LMOD3: variants seen among roughly 807,000 people sequenced by gnomAD.
LMOD3 encodes leiomodin 3.
LMOD3 carries 31 observed loss-of-function variants against 41.8 expected under a neutral mutation model. That is an observed-to-expected ratio of 0.74 (90% CI 0.56 to 1.00). LMOD3 has a LOEUF of 1.00. Among genes scored for constraint, LMOD3 ranks in the 50% least tolerant of loss-of-function variants. The pLI is 0.00. For synonymous variants in LMOD3, 292 were observed against 241.9 expected (o/e 1.21, Z -1.92); for missense variants, 755 against 679.5 (o/e 1.11, Z -1.23).
chr3:69,108,849 A>T lies in LMOD3; in HGVS notation c.*246T>A. On this transcript the variant is annotated 3_prime_UTR_variant, in exon 3 of 3. Transcript: ENST00000420581. The stretch of plus-strand genomic sequence containing the variant: ...ACTCTAAATTTCACCTGAGTCACTC[A>T]AATTGATTGCAAGTAGAAAATATTG... 2.6e-6 allele frequency: 1 copy of T among 384,878 alleles called. No individual in the cohort carries two copies. Among genetic ancestry groups the T allele is most frequent in the Non-Finnish European group, 4.6e-6 (1 of 217,418 alleles). The allele number at this position is 384,878 out of a possible 1,614,324, so 23.8% of individuals were successfully genotyped here. A position where few individuals can be genotyped will look rare whatever the true frequency, so the allele number is the denominator to read the frequency against.
intron 1 of LMOD3, among the ~76,000 whole-genome samples, chr3:69,121,505 G>T (rs1334388064): frequency 6.6e-6 from 1 of 152,188 alleles, no homozygotes; most frequent in Non-Finnish European, 1.5e-5. Context: ...TCAGGTTTTA[G>T]AAAGTGAAGA....
At chr3:69,111,783 T>TA (rs913778743) in intron 2 of LMOD3, among the ~76,000 whole-genome samples, 9 of 152,154 alleles carry the variant, frequency 5.9e-5, no homozygotes, top group South Asian at 2.1e-4. Context: ...TGACCCAGAA[T>TA]AGTAAACCCA....
chr3:69,118,132 G>T (rs1219937405), intron 2 of LMOD3, among the ~76,000 whole-genome samples: 1 of 152,038 alleles, frequency 6.6e-6, no homozygotes, highest in Non-Finnish European at 1.5e-5. Flanking sequence ...GCCCGGCCTG[G>T]CCTCATTCTT....
Position 69,109,106 on chromosome 3 carries a change from C to G in LMOD3, c.1672G>C (p.Glu558Gln). 1.2e-6 allele frequency: 2 copies of G among 1,602,494 alleles called. No homozygotes were observed. The highest frequency in any genetic ancestry group is 1.7e-6 in the Non-Finnish European group (2 of 1,174,244). The change falls in exon 3 of 3, where the codon GAA becomes CAA. Residue 558 changes from glutamate to glutamine, a missense_variant. By Grantham distance (29) the Glu-to-Gln change is conservative. Coordinates refer to ENST00000420581, the MANE Select transcript of LMOD3 (RefSeq NM_198271.5). ...AYLKPVQLPK[E>Q]LA ...GGCTCTGTTGCCTCTTACGCCAGTT[C>G]TTTTGGCAGTTGCACCTGCGATTTA...
At chr3:69,121,087 A>C (rs73112232) in intron 1 of LMOD3, among the ~76,000 whole-genome samples, 3,236 of 152,266 alleles carry the variant, frequency 0.021, 43 homozygotes, top group Middle Eastern at 0.044. Context: ...GCCAACCATC[A>C]AGCTGTTCAA....
At position 69,107,244 on chromosome 3, in the gene LMOD3, C is replaced by T. The variant is rs1416116949; in HGVS notation, c.*1851G>A. On this transcript the variant is annotated 3_prime_UTR_variant, in exon 3 of 3. Transcript: ENST00000420581. ...TTAAATTTGGATACTTTTGTACATA[C>T]TAAATTATCTTAAAAAAATAGAAAC... 1 of 151,812 alleles carries T rather than the reference C, an allele frequency of 6.6e-6. No individual in the cohort carries two copies. Among genetic ancestry groups the T allele is most frequent in the Non-Finnish European group, 1.5e-5 (1 of 67,980 alleles). 9.4% of individuals were successfully genotyped at this position (151,812 alleles called of 1,614,324 possible).
Position 69,119,497 on chromosome 3 carries a change from T to A in LMOD3, c.858A>T (p.Thr286=), listed in dbSNP as rs1312341772. 8.1e-6 allele frequency: 13 copies of A among 1,613,986 alleles called. 1 individual carries two copies. In the South Asian group the frequency reaches 1.3e-4, roughly 16 times the overall value. ...NAMKKNKHIK[T]FSLANVGADE... ...CTGCACCCACATTGGCTAAACTGAA[T>A]GTTTTGATGTGCTTGTTTTTCTTCA... is the stretch of plus-strand genomic sequence containing the variant. The change falls in exon 2 of 3, where the codon ACA becomes ACT. Residue 286 remains threonine (T), a synonymous_variant. Transcript: ENST00000420581.
chr3:69,120,929 T>C (rs1476433500), intron 1 of LMOD3, among the ~76,000 whole-genome samples: 1 of 152,300 alleles, frequency 6.6e-6, no homozygotes, highest in East Asian at 1.9e-4. Context: ...ATAGATATCA[T>C]TTTGAAAGCC....
chr3:69,117,563 A>C (rs375549146), intron 2 of LMOD3, among the ~76,000 whole-genome samples: 1 of 152,188 alleles, frequency 6.6e-6, no homozygotes, highest in East Asian at 1.9e-4. Flanking sequence ...AATGACCAAA[A>C]TATCTTCATT....
At chr3:69,115,250 A>G (rs980077724) in intron 2 of LMOD3, among the ~76,000 whole-genome samples, 10 of 152,204 alleles carry the variant, frequency 6.6e-5, no homozygotes, top group Middle Eastern at 6.8e-3. Flanking sequence ...GGGAGGCTGA[A>G]GCGGAAGGAT....
chr3:69,120,808 CAT>C (rs2092403899), intron 1 of LMOD3, among the ~76,000 whole-genome samples: 1 of 152,014 alleles, frequency 6.6e-6, no homozygotes, highest in African/African-American at 2.4e-5. Flanking sequence ...ATTATGCAGA[CAT>C]TGAGAAATAA....
rs2092396739 is a variant in LMOD3, at chr3:69,119,608, C to T, written c.747G>A (p.Arg249=). 6.2e-7 allele frequency: 1 copy of T among 1,613,728 alleles called. No homozygotes were observed. Among genetic ancestry groups the T allele is most frequent in the South Asian group, 1.1e-5 (1 of 91,080 alleles). Residue 249 remains arginine, a synonymous_variant, in exon 2 of 3, where the codon AGG becomes AGA. Coordinates refer to ENST00000420581, the MANE Select transcript of LMOD3 (RefSeq NM_198271.5). Reference sequence around the variant, plus strand: ...GTTCCTTCATGTCAGGATCATTTTTCCTAACTCTCCTCAAGCTCCCATCCA... The same window carrying T: ...GTTCCTTCATGTCAGGATCATTTTTTCTAACTCTCCTCAAGCTCCCATCCA... ...TDLDGSLRRV[R]KNDPDMKELN...
intron 2 of LMOD3, among the ~76,000 whole-genome samples, chr3:69,112,113 TACAAAC>T (rs1339541181): frequency 1.3e-5 from 2 of 152,204 alleles, no homozygotes; most frequent in Non-Finnish European, 2.9e-5. Flanking sequence ...ATGTAAAACT[TACAAAC>T]AGAAGAAAAT....
At chr3:69,113,114 A>G (rs2092356940) in intron 2 of LMOD3, among the ~76,000 whole-genome samples, 1 of 152,126 alleles carries the variant, frequency 6.6e-6, no homozygotes, top group South Asian at 2.1e-4. Context: ...TGGAGGTCCT[A>G]AAAATGGGGG....
At chr3:69,110,060 C>T (rs766371873) in intron 2 of LMOD3, among the ~76,000 whole-genome samples, 7 of 152,016 alleles carry the variant, frequency 4.6e-5, no homozygotes, top group Non-Finnish European at 7.4e-5. Flanking sequence ...CTTTGAAGCA[C>T]ACTCCTAATC....
In LMOD3 at chr3:69,118,928, G is replaced by A. The variant is rs751389222; in HGVS notation, c.1427C>T (p.Pro476Leu). 3.7e-6 allele frequency: 6 copies of A among 1,611,908 alleles called. No individual in the cohort carries two copies. In the African/African-American group the frequency reaches 4.0e-5, roughly 11 times the overall value. Residue 476 changes from proline (P) to leucine (L), a missense_variant, in exon 2 of 3, where the codon CCG becomes CTG. By Grantham distance (98) the Pro-to-Leu change is moderately conservative. Coordinates refer to ENST00000420581, the MANE Select transcript of LMOD3 (RefSeq NM_198271.5). ...GGAGTCAGGGTCTGTCCTGTACTTC[G>A]GGGCCTGCGATGGCTTTTTCATCAT... ...SEMMKKPSQAPKYRTDPDSFR... is the reference protein window; with the variant it reads ...SEMMKKPSQALKYRTDPDSFR...
In LMOD3 at chr3:69,107,879, A is replaced by G. The variant is rs2092330522; in HGVS notation, c.*1216T>C. On this transcript the variant is annotated 3_prime_UTR_variant, in exon 3 of 3. Coordinates refer to ENST00000420581, the MANE Select transcript of LMOD3 (RefSeq NM_198271.5). ...GCTAGAATGAATAATTAAGGCCTCT[A>G]GGAACTTGGAAGAAGGACAGATTGG... The G allele has an allele frequency of 6.6e-6, 1 of 152,218 alleles. No homozygotes were observed. Among genetic ancestry groups the G allele is most frequent in the Admixed American group, 6.5e-5 (1 of 15,270 alleles). The allele number at this position is 152,218 out of a possible 1,614,324, so 9.4% of individuals were successfully genotyped here.
Position 69,109,075 on chromosome 3 carries a change from C to G in LMOD3, c.*20G>C. On this transcript the variant is annotated 3_prime_UTR_variant, in exon 3 of 3. Coordinates refer to ENST00000420581, the MANE Select transcript of LMOD3 (RefSeq NM_198271.5). ...GTCACTATTTCCATTTCTTGTTCTT[C>G]TAGATGGCTCTGTTGCCTCTTACGC... 2 of 1,589,368 alleles carry G rather than the reference C, an allele frequency of 1.3e-6. No homozygotes were observed. Among genetic ancestry groups the G allele is most frequent in the Non-Finnish European group, 1.7e-6 (2 of 1,166,234 alleles).
At chr3:69,114,717 G>C (rs902040846) in intron 2 of LMOD3, among the ~76,000 whole-genome samples, 1 of 152,152 alleles carries the variant, frequency 6.6e-6, no homozygotes, top group African/African-American at 2.4e-5. Flanking sequence ...ACGTTGGCCA[G>C]GTTGGTCTCA....
Sources: allele counts gnomAD v4.1 joint callset (sites outside exome capture counted in the v4.1 genomes callset), GRCh38; gene constraint gnomAD v4.1.1; transcripts MANE v1.5; gene names NCBI Gene and HGNC (gene_info 2026-07-23, HGNC 2026-07-21).